SLC16A9: variants seen among roughly 807,000 people sequenced by gnomAD.
The protein encoded by SLC16A9 is monocarboxylate transporter 9.
A neutral mutation model predicts 44.3 loss-of-function variants in SLC16A9; 26 were observed. That is an observed-to-expected ratio of 0.59 (90% confidence interval 0.43 to 0.81). The LOEUF (loss-of-function observed/expected upper bound fraction) is 0.81. SLC16A9 is among the 40% of genes least tolerant of loss of function. The probability of loss-of-function intolerance (pLI) is 0.00; values close to 1 mark genes in which losing one functional copy is unlikely to be tolerated. For synonymous variants in SLC16A9, 230 were observed against 225.1 expected, an observed-to-expected ratio of 1.02 and a Z score of -0.19; for missense variants, 559 against 595.8, an observed-to-expected ratio of 0.94 and a Z score of 0.64.
intron 1 of SLC16A9, among the ~76,000 whole-genome samples, chr10:59,694,934 A>T (rs1307668560): frequency 6.6e-6 from 1 of 151,220 alleles, no homozygotes; most frequent in Non-Finnish European, 1.5e-5. Flanking sequence ...GAATGGATAA[A>T]GTATGATATA....
intron 3 of SLC16A9, among the ~76,000 whole-genome samples, chr10:59,668,140 T>A (rs965947245): frequency 1.8e-4 from 27 of 152,030 alleles, no homozygotes; most frequent in African/African-American, 5.6e-4. Context: ...TTCCCACCAA[T>A]CTGTCTTCTA....
chr10:59,672,692 T>C, intron 3 of SLC16A9, 78 bp downstream of exon 3: 1 of 1,371,952 alleles, frequency 7.3e-7, no homozygotes, highest in Non-Finnish European at 9.9e-7. Context: ...TTACATTAAC[T>C]GGATCATAAA....
At chr10:59,672,069 A>G (rs1236336768) in intron 3 of SLC16A9, among the ~76,000 whole-genome samples, 1 of 152,186 alleles carries the variant, frequency 6.6e-6, no homozygotes, top group Non-Finnish European at 1.5e-5. Flanking sequence ...GCTGGAGGCC[A>G]TCTTTTTCTA....
intron 1 of SLC16A9, among the ~76,000 whole-genome samples, chr10:59,704,351 A>T (rs1840594030): frequency 6.6e-6 from 1 of 152,168 alleles, no homozygotes; most frequent in African/African-American, 2.4e-5. Context: ...AACCTTGTGA[A>T]GATTTGTGAT....
chr10:59,652,648 T>A lies in SLC16A9; in HGVS notation c.*124A>T. On this transcript the variant is annotated 3_prime_UTR_variant, in exon 6 of 6. Transcript: ENST00000395348. ...ATAAAAAAAAATAATTCATTCAGAGTCAGTCATTGTGAAATTTTGCTATGA... is the reference window on the plus strand; with the variant it reads ...ATAAAAAAAAATAATTCATTCAGAGACAGTCATTGTGAAATTTTGCTATGA... 1 of 773,384 alleles carries A rather than the reference T, an allele frequency of 1.3e-6. No homozygotes were observed. The highest frequency in any genetic ancestry group is 2.0e-6 in the Non-Finnish European group (1 of 497,478). The allele number at this position is 773,384 out of a possible 1,614,324, so 47.9% of individuals were successfully genotyped here. A position where few individuals can be genotyped will look rare whatever the true frequency, so the allele number is the denominator to read the frequency against.
rs1332229564 is a variant in SLC16A9 at position 59,652,860 on chromosome 10, G to A, written c.1442C>T (p.Ala481Val). 6.2e-7 allele frequency: 1 copy of A among 1,613,946 alleles called. No individual in the cohort carries two copies. Among genetic ancestry groups the A allele is most frequent in the Non-Finnish European group, 8.5e-7 (1 of 1,179,974 alleles). The change falls in exon 6 of 6, where the codon GCA becomes GTA. Residue 481 changes from alanine to valine, a missense_variant. Coordinates refer to ENST00000395348, the MANE Select transcript of SLC16A9 (RefSeq NM_194298.3). ...GCATGTATCCCAAGAGGGCAAGGCT[G>A]CCAGCAGCAGAATAAAACCTCCCAG... Reference protein sequence around the residue: ...VLLGGFILLLAALPSWDTCNK... With the variant: ...VLLGGFILLLVALPSWDTCNK...
intron 2 of SLC16A9, among the ~76,000 whole-genome samples, chr10:59,674,486 AAT>A (rs988772892): frequency 2.0e-5 from 3 of 152,178 alleles, no homozygotes; most frequent in Non-Finnish European, 4.4e-5. Flanking sequence ...TTGCATGACA[AAT>A]AGAGGGAAAT....
At chr10:59,674,794 A>G (rs1839824681) in intron 2 of SLC16A9, among the ~76,000 whole-genome samples, 2 of 152,216 alleles carry the variant, frequency 1.3e-5, no homozygotes, top group Non-Finnish European at 2.9e-5. Flanking sequence ...TCATCCTCAA[A>G]ATAGGACTTT....
intron 1 of SLC16A9, among the ~76,000 whole-genome samples, chr10:59,696,516 C>T (rs1287454390): frequency 4.6e-5 from 7 of 152,254 alleles, no homozygotes; most frequent in South Asian, 4.1e-4. Context: ...AGCCTCTGCC[C>T]GGCCGCCACC....
chr10:59,684,948 A>T (rs1445765546), intron 1 of SLC16A9, among the ~76,000 whole-genome samples: 2 of 152,158 alleles, frequency 1.3e-5, no homozygotes, highest in Non-Finnish European at 2.9e-5. Flanking sequence ...GAGGCAATCT[A>T]TCCCCATAAG....
At chr10:59,666,430 GT>G (rs1462763297) in intron 3 of SLC16A9, among the ~76,000 whole-genome samples, 1 of 152,044 alleles carries the variant, frequency 6.6e-6, no homozygotes, top group African/African-American at 2.4e-5. Flanking sequence ...CTTTCATGAA[GT>G]TAGTCAAGTC....
At chr10:59,667,510 A>C (rs1010056573) in intron 3 of SLC16A9, among the ~76,000 whole-genome samples, 7 of 152,208 alleles carry the variant, frequency 4.6e-5, no homozygotes, top group African/African-American at 1.7e-4. Flanking sequence ...TATTTACGTT[A>C]ACATCTACTG....
chr10:59,654,023 T>A lies in SLC16A9; in HGVS notation c.1003A>T (p.Asn335Tyr). 6.2e-7 allele frequency: 1 copy of A among 1,614,020 alleles called. No homozygotes were observed. Among genetic ancestry groups the A allele is most frequent in the Non-Finnish European group, 8.5e-7 (1 of 1,180,020 alleles). Reference sequence around the variant, plus strand: ...ATAATAAACTCTTCTTCTTTCACGTTTGAACTTCTTGCTACATCTTCCATA... The same window carrying A: ...ATAATAAACTCTTCTTCTTTCACGTATGAACTTCTTGCTACATCTTCCATA... ...LLMEDVARSSNVKEEEFIMPL... is the reference protein window; with the variant it reads ...LLMEDVARSSYVKEEEFIMPL... The change falls in exon 5 of 6, where the codon AAC becomes TAC. Residue 335 changes from asparagine (N) to tyrosine (Y), a missense_variant. Coordinates refer to ENST00000395348, the MANE Select transcript of SLC16A9 (RefSeq NM_194298.3).
intron 2 of SLC16A9, among the ~76,000 whole-genome samples, chr10:59,682,719 T>C (rs750581583): frequency 1.6e-4 from 24 of 152,172 alleles, no homozygotes; most frequent in Non-Finnish European, 2.9e-4. Flanking sequence ...CCACTACAGG[T>C]CTTATTTTAG....
intron 1 of SLC16A9, among the ~76,000 whole-genome samples, chr10:59,699,837 T>G (rs1256077725): frequency 2.0e-5 from 3 of 151,796 alleles, no homozygotes; most frequent in African/African-American, 7.3e-5. Flanking sequence ...CCTGCCATAA[T>G]AGGACATCTT....
In SLC16A9 at chr10:59,702,202, G is replaced by A. The variant is rs1252898651; in HGVS notation, c.-37+7277C>T. On this transcript the variant is annotated intron_variant, in intron 1 of 5. Coordinates refer to ENST00000395348, the MANE Select transcript of SLC16A9 (RefSeq NM_194298.3). ...AGGCATTGTGGGGTGAAGGAGATGTGGCCCCTTCCTCTCTGGAGCTTAGAG... is the reference window on the plus strand; with the variant it reads ...AGGCATTGTGGGGTGAAGGAGATGTAGCCCCTTCCTCTCTGGAGCTTAGAG... 5.3e-5 allele frequency among the ~76,000 whole-genome samples: 8 copies of A among 152,162 alleles called. No homozygotes were observed. In the East Asian group the frequency reaches 1.5e-3, roughly 29 times the overall value.
chr10:59,693,521 A>G (rs943443235), intron 1 of SLC16A9, among the ~76,000 whole-genome samples: 56 of 152,348 alleles, frequency 3.7e-4, no homozygotes, highest in Middle Eastern at 3.4e-3. Context: ...CTGTATGTCT[A>G]TATATACACA....
chr10:59,666,872 A>C (rs1264941510), intron 3 of SLC16A9, among the ~76,000 whole-genome samples: 6 of 28,724 alleles, frequency 2.1e-4, no homozygotes, highest in African/African-American at 9.7e-4. Context: ...ATTTTCCAGC[A>C]AAAAAAAAAA....
chr10:59,668,314 C>T (rs972269014), intron 3 of SLC16A9, among the ~76,000 whole-genome samples: 8 of 152,132 alleles, frequency 5.3e-5, no homozygotes, highest in African/African-American at 1.9e-4. Flanking sequence ...TGCTGTTTAT[C>T]CATTCTATCT....
Sources: gnomAD v4.1 joint callset for allele counts (sites outside exome capture counted in the v4.1 genomes callset) on GRCh38, gnomAD v4.1.1 for gene constraint, MANE v1.5 for transcripts, NCBI Gene and HGNC (gene_info 2026-07-23, HGNC 2026-07-21) for gene names.